CNIH3: variants seen among roughly 807,000 people sequenced by gnomAD.
The protein encoded by CNIH3 is cornichon family AMPA receptor auxiliary protein 3, also known as protein cornichon homolog 3.
CNIH3 carries 14 observed loss-of-function variants against 24.1 expected under a neutral mutation model. The observed-to-expected ratio is 0.58, with a 90% CI of 0.38 to 0.91. CNIH3 has a LOEUF of 0.91. Ranked by LOEUF, CNIH3 falls within the 40% of genes least tolerant of loss-of-function variation. The pLI, the probability that CNIH3 is intolerant of heterozygous loss-of-function variation, is 0.00. For synonymous variants in CNIH3, 68 were observed against 73.8 expected (o/e 0.92, Z 0.40); for missense variants, 178 against 196.8 (o/e 0.90, Z 0.57).
At chr1:224,720,252 C>CTTTTTTTTTTTTTTTTTT (rs10625559) in intron 3 of CNIH3, among the ~76,000 whole-genome samples, 1 of 142,084 alleles carries the variant, frequency 7.0e-6, no homozygotes, top group Non-Finnish European at 1.5e-5. Flanking sequence ...GGATAGTCAT[C>CTTTTTTTTTTTTTTTTTT]TTTTTTTTTT....
chr1:224,517,420 G>A (rs1349833352), intron 1 of CNIH3, among the ~76,000 whole-genome samples: 1 of 152,152 alleles, frequency 6.6e-6, no homozygotes, highest in Admixed American at 6.5e-5. Context: ...GGCGTTTGAT[G>A]CCTCGCCTTC....
chr1:224,609,056 G>A (rs1682563027), intron 3 of CNIH3, among the ~76,000 whole-genome samples: 1 of 152,166 alleles, frequency 6.6e-6, no homozygotes, highest in Non-Finnish European at 1.5e-5. Context: ...TTATTTTAGA[G>A]AGACAGTTAA....
At position 224,730,539 on chromosome 1, in the gene CNIH3, G is replaced by T. The variant is rs145381577; in HGVS notation, c.276G>T (p.Gly92=). Residue 92 remains glycine, a synonymous_variant, in exon 4 of 6, where the codon GGG becomes GGT. Coordinates refer to ENST00000272133, the MANE Select transcript of CNIH3 (RefSeq NM_152495.2). Reference sequence around the variant, plus strand: ...GTGCGCAAGAGTGGCTCACGCTGGGGCTGAATGTCCCTCTACTTTTCTATC... The same window carrying T: ...GTGCGCAAGAGTGGCTCACGCTGGGTCTGAATGTCCCTCTACTTTTCTATC... ...FLCAQEWLTL[G]LNVPLLFYHF... The T allele has an allele frequency of 1.8e-4, 274 of 1,558,696 alleles. No individual in the cohort carries two copies. The highest frequency in any genetic ancestry group is 2.3e-4 in the Non-Finnish European group (264 of 1,149,980).
intron 1 of CNIH3, among the ~76,000 whole-genome samples, chr1:224,519,407 A>G (rs1457398624): frequency 6.6e-6 from 1 of 152,000 alleles, no homozygotes; most frequent in East Asian, 1.9e-4. Flanking sequence ...ACGGAACTAC[A>G]CCACCAGCCT....
At chr1:224,718,372 C>T (rs187864899) in intron 3 of CNIH3, among the ~76,000 whole-genome samples, 138 of 152,154 alleles carry the variant, frequency 9.1e-4, no homozygotes, top group African/African-American at 3.1e-3. Context: ...TGAGGAACAA[C>T]GAAGGATCAA....
At chr1:224,448,606 A>G (rs1473436475) in intron 1 of CNIH3, among the ~76,000 whole-genome samples, 1 of 152,226 alleles carries the variant, frequency 6.6e-6, no homozygotes, top group Admixed American at 6.5e-5. Flanking sequence ...ACCAATAGTC[A>G]TGCGTCCATG....
intron 1 of CNIH3, among the ~76,000 whole-genome samples, chr1:224,459,387 A>C (rs921819890): frequency 6.6e-5 from 10 of 152,212 alleles, no homozygotes; most frequent in African/African-American, 2.4e-4. Context: ...CATGGAGCCA[A>C]ACCTCATTAT....
chr1:224,700,440 C>G (rs150996630), intron 3 of CNIH3, among the ~76,000 whole-genome samples: 26 of 152,288 alleles, frequency 1.7e-4, no homozygotes, highest in Admixed American at 3.3e-4. Context: ...TTCATGGAAA[C>G]AACATCCCAT....
intron 1 of CNIH3, among the ~76,000 whole-genome samples, chr1:224,483,099 C>T (rs1348289980): frequency 1.3e-5 from 2 of 152,152 alleles, no homozygotes. Context: ...TGACCACTGG[C>T]AGGGGAATGG....
At chr1:224,723,794 A>C (rs1449783576) in intron 3 of CNIH3, among the ~76,000 whole-genome samples, 1 of 152,236 alleles carries the variant, frequency 6.6e-6, no homozygotes, top group African/African-American at 2.4e-5. Flanking sequence ...ATGGAAGGCC[A>C]AGATCAAAGC....
chr1:224,629,367 CGAA>C (rs1187313279), intron 1 of CNIH3, among the ~76,000 whole-genome samples: 7 of 152,026 alleles, frequency 4.6e-5, no homozygotes, highest in Admixed American at 3.3e-4. Flanking sequence ...ATATGTAAAA[CGAA>C]GTTGCACCCT....
At chr1:224,584,721 G>T (rs1216522480) in intron 5 of CNIH3, among the ~76,000 whole-genome samples, 1 of 128,666 alleles carries the variant, frequency 7.8e-6, no homozygotes, top group East Asian at 2.7e-4. Context: ...AGCATTTCTT[G>T]GTTGTGAAAT....
rs1230170271 is a variant in CNIH3 at position 224,730,495 on chromosome 1, T to G, written c.232T>G (p.Phe78Val). ...GCCAGAATACTCCATCCATAGCCTC[T>G]TCTGCATTATGTTCCTGTGTGCGCA... Reference protein sequence around the residue: ...VLPEYSIHSLFCIMFLCAQEW... With the variant: ...VLPEYSIHSLVCIMFLCAQEW... The change falls in exon 4 of 6, where the codon TTC becomes GTC. Residue 78 changes from phenylalanine to valine, a missense_variant. Transcript: ENST00000272133. The G allele has an allele frequency of 2.6e-6, 4 of 1,561,156 alleles. No homozygotes were observed. The highest frequency in any genetic ancestry group is 3.5e-6 in the Non-Finnish European group (4 of 1,151,200).
chr1:224,585,368 G>C lies in CNIH3; in HGVS notation n.620+2101G>C, dbSNP rs1478355269. On this transcript the variant is annotated intron_variant and non_coding_transcript_variant, in intron 5 of 5. Transcript: ENST00000471578. ...CTGTGCTGATGTTGTGACTAAAGAT[G>C]CGTAGGACATAGTCTCTTCAAGGGA... Among the ~76,000 whole-genome samples, 3 of 152,142 alleles carry C rather than the reference G, an allele frequency of 2.0e-5. No individual in the cohort carries two copies. In the East Asian group the frequency reaches 5.8e-4, roughly 29 times the overall value.
intron 1 of CNIH3, among the ~76,000 whole-genome samples, chr1:224,635,164 C>T (rs1045828529): frequency 2.0e-5 from 3 of 148,706 alleles, no homozygotes; most frequent in African/African-American, 5.1e-5. Flanking sequence ...CAGAGAATGG[C>T]GGGGGTCGGG....
intron 3 of CNIH3, among the ~76,000 whole-genome samples, chr1:224,712,001 G>T (rs977750064): frequency 6.6e-6 from 1 of 151,938 alleles, no homozygotes; most frequent in African/African-American, 2.4e-5. Context: ...GACCTTCATG[G>T]CTGTCCCCAA....
chr1:224,490,217 G>A (rs1034848085), intron 1 of CNIH3, among the ~76,000 whole-genome samples: 3 of 152,210 alleles, frequency 2.0e-5, no homozygotes, highest in African/African-American at 7.2e-5. Flanking sequence ...GTTTATGGTG[G>A]AAAACCGGTG....
At chr1:224,449,275 T>C (rs1277379246) in intron 1 of CNIH3, among the ~76,000 whole-genome samples, 1 of 151,992 alleles carries the variant, frequency 6.6e-6, no homozygotes, top group Non-Finnish European at 1.5e-5. Context: ...GAAACTGGGA[T>C]TCTCTTTAAC....
At chr1:224,478,560 T>G (rs1346206693) in intron 1 of CNIH3, among the ~76,000 whole-genome samples, 1 of 152,254 alleles carries the variant, frequency 6.6e-6, no homozygotes, top group Non-Finnish European at 1.5e-5. Flanking sequence ...TTCTGTATTA[T>G]CTTGAATTTC....
Sources: gnomAD v4.1 joint callset for allele counts (sites outside exome capture counted in the v4.1 genomes callset) on GRCh38, gnomAD v4.1.1 for gene constraint, MANE v1.5 for transcripts, NCBI Gene and HGNC (gene_info 2026-07-23, HGNC 2026-07-21) for gene names.